The following CEP83 variants were observed in gnomAD, a reference collection of about 807,000 sequenced individuals.
CEP83 encodes centrosomal protein of 83 kDa.
CEP83 carries 70 observed loss-of-function variants against 101.9 expected under a neutral mutation model. That is an observed-to-expected ratio of 0.69 (90% CI 0.57 to 0.84). CEP83 has a LOEUF of 0.84. CEP83 is among the 40% of genes least tolerant of loss of function. The pLI, the probability that CEP83 is intolerant of heterozygous loss-of-function variation, is 0.00. For missense variants in CEP83, 715 were observed against 787.2 expected, an observed-to-expected ratio of 0.91 and a Z score of 1.10; for synonymous variants, 264 against 267.9, an observed-to-expected ratio of 0.99 and a Z score of 0.14.
intron 2 of CEP83, among the ~76,000 whole-genome samples, chr12:94,430,314 T>C (rs777339347): frequency 1.3e-4 from 20 of 152,010 alleles, no homozygotes; most frequent in South Asian, 4.2e-4. Context: ...TTTAAAATAT[T>C]GATTTTAAAG....
At chr12:94,425,477 T>A (rs1048786817) in intron 2 of CEP83, among the ~76,000 whole-genome samples, 1 of 152,168 alleles carries the variant, frequency 6.6e-6, no homozygotes, top group Non-Finnish European at 1.5e-5. Flanking sequence ...CTTTAGGAAC[T>A]ATCCCCATGT....
intron 4 of CEP83, among the ~76,000 whole-genome samples, chr12:94,405,263 G>C (rs1371901213): frequency 8.5e-5 from 13 of 152,128 alleles, no homozygotes; most frequent in Admixed American, 7.9e-4. Context: ...GAACAAAGGT[G>C]GGATATTAAA....
chr12:94,449,004 T>C (rs2067015264), intron 1 of CEP83, among the ~76,000 whole-genome samples: 1 of 138,912 alleles, frequency 7.2e-6, no homozygotes, highest in East Asian at 2.1e-4. Flanking sequence ...GTTGGTTCTT[T>C]GGAAAGATCA....
At chr12:94,424,122 G>C in intron 2 of CEP83, 1 of 1,605,236 alleles carries the variant, frequency 6.2e-7, no homozygotes, top group East Asian at 2.2e-5. Context: ...GGAGAGGAAA[G>C]GTATGGGGAG....
chr12:94,297,535 A>T, the CEP83 span: 1 of 723,474 alleles, frequency 1.4e-6, no homozygotes, highest in Non-Finnish European at 2.4e-6. Context: ...GCCTTCTAGC[A>T]AAGCAAAATG....
intron 12 of CEP83, 173 bp from the exon 13 acceptor site, chr12:94,333,812 A>G: frequency 1.7e-6 from 1 of 585,908 alleles, no homozygotes; most frequent in Non-Finnish European, 2.9e-6. Flanking sequence ...AGCATTTCTT[A>G]TTATAATCAG....
intron 2 of CEP83, among the ~76,000 whole-genome samples, chr12:94,432,422 A>T (rs1401077711): frequency 1.3e-5 from 2 of 152,174 alleles, no homozygotes; most frequent in African/African-American, 4.8e-5. Flanking sequence ...GCTATGAGAA[A>T]GAATGAAATC....
intron 11 of CEP83, among the ~76,000 whole-genome samples, chr12:94,364,249 T>C (rs1235807166): frequency 1.3e-5 from 2 of 152,170 alleles, no homozygotes; most frequent in African/African-American, 4.8e-5. Context: ...ATAGTTAAGA[T>C]GGTAGATTTT....
intron 4 of CEP83, chr12:94,407,811 TTTTGTTTG>T (rs201599385): frequency 6.6e-6 from 1 of 152,220 alleles, no homozygotes; most frequent in Non-Finnish European, 1.5e-5. Flanking sequence ...TTAGGCTACT[TTTTGTTTG>T]TTTGTTTGTT....
chr12:94,368,615 A>C (rs1209964775), intron 9 of CEP83: 1 of 154,512 alleles, frequency 6.5e-6, no homozygotes, highest in Non-Finnish European at 1.4e-5. Flanking sequence ...AAACCTATTG[A>C]TTCTAGCAGA....
intron 3 of CEP83, among the ~76,000 whole-genome samples, 195 bp from the exon 4 acceptor site, chr12:94,412,042 T>C (rs2063916326): frequency 6.6e-6 from 1 of 152,164 alleles, no homozygotes; most frequent in African/African-American, 2.4e-5. Context: ...TTTACTTTGG[T>C]GGGAGATGGG....
At chr12:94,311,416 T>G (rs1969842704) in intron 15 of CEP83, among the ~76,000 whole-genome samples, 1 of 152,204 alleles carries the variant, frequency 6.6e-6, no homozygotes, top group South Asian at 2.1e-4. Context: ...ATGGCCATTT[T>G]TAGCCAGTCA....
At chr12:94,370,511 G>C (rs2061251798) in intron 8 of CEP83, among the ~76,000 whole-genome samples, 1 of 152,088 alleles carries the variant, frequency 6.6e-6, no homozygotes, top group African/African-American at 2.4e-5. Context: ...GTAGCTGTCA[G>C]GACTATAGGT....
the CEP83 span, among the ~76,000 whole-genome samples, chr12:94,270,333 A>G: frequency 3.3e-5 from 5 of 152,360 alleles, no homozygotes; most frequent in Admixed American, 2.6e-4. Flanking sequence ...TTCCTGCTAC[A>G]GTGCAGAGTG....
At chr12:94,394,640 T>G (rs1469697939) in intron 6 of CEP83, among the ~76,000 whole-genome samples, 1 of 152,088 alleles carries the variant, frequency 6.6e-6, no homozygotes, top group African/African-American at 2.4e-5. Flanking sequence ...CTAATTTAAC[T>G]AAAGAGCTTC....
At chr12:94,291,434 T>C in the CEP83 span, among the ~76,000 whole-genome samples, 1 of 152,048 alleles carries the variant, frequency 6.6e-6, no homozygotes, top group Non-Finnish European at 1.5e-5. Context: ...GGGATCTGAG[T>C]TCTCCGGGCT....
chr12:94,395,847 C>T (rs1424434916), intron 6 of CEP83, among the ~76,000 whole-genome samples: 2 of 152,066 alleles, frequency 1.3e-5, no homozygotes, highest in Non-Finnish European at 1.5e-5. Flanking sequence ...AAATAAACCC[C>T]AGCATTTCCA....
At chr12:94,420,114 T>G (rs1014800577) in intron 2 of CEP83, among the ~76,000 whole-genome samples, 1 of 152,152 alleles carries the variant, frequency 6.6e-6, no homozygotes, top group African/African-American at 2.4e-5. Context: ...TCATAATATT[T>G]AAATCTCAAT....
intron 1 of CEP83, among the ~76,000 whole-genome samples, chr12:94,451,557 G>GCCC (rs1197942073): frequency 6.7e-6 from 1 of 150,358 alleles, no homozygotes; most frequent in Non-Finnish European, 1.5e-5. Context: ...AGAAAAAGGT[G>GCCC]TCCAACATTA....
Sources: gnomAD v4.1 joint callset for allele counts (sites outside exome capture counted in the v4.1 genomes callset) on GRCh38, gnomAD v4.1.1 for gene constraint, MANE v1.5 for transcripts, NCBI Gene and HGNC (gene_info 2026-07-23, HGNC 2026-07-21) for gene names.